The following CNOT10 variants were observed in gnomAD, a reference collection of about 807,000 sequenced individuals.
CNOT10 encodes CCR4-NOT transcription complex subunit 10.
CNOT10 carries 30 observed loss-of-function variants against 94.6 expected under a neutral mutation model. That is an observed-to-expected ratio of 0.32 (90% CI 0.24 to 0.43). The LOEUF (loss-of-function observed/expected upper bound fraction) is 0.43. Ranked by LOEUF, CNOT10 falls within the 20% of genes least tolerant of loss-of-function variation. The pLI is 1.00. For missense variants in CNOT10, 759 were observed against 877.2 expected, an observed-to-expected ratio of 0.87 and a Z score of 1.70; for synonymous variants, 289 against 301.6, an observed-to-expected ratio of 0.96 and a Z score of 0.43.
At chr3:32,772,424 ATTGCTTAAGGCCAAGAGTTCAAGGC>A (rs914380804) in intron 18 of CNOT10, among the ~76,000 whole-genome samples, 5 of 152,132 alleles carry the variant, frequency 3.3e-5, no homozygotes, top group African/African-American at 1.2e-4. Flanking sequence ...AGGCGGGAGG[ATTGCTTAAGGCCAAGAGTTCAAGGC>A]TATAGTGTGC....
intron 14 of CNOT10, among the ~76,000 whole-genome samples, chr3:32,761,865 C>T (rs1321158953): frequency 1.4e-5 from 2 of 147,402 alleles, no homozygotes; most frequent in African/African-American, 5.0e-5. Flanking sequence ...TTCCATCTCC[C>T]GGGTTCAAGC....
intron 17 of CNOT10, among the ~76,000 whole-genome samples, chr3:32,768,745 A>G (rs1700765809): frequency 6.6e-6 from 1 of 152,210 alleles, no homozygotes; most frequent in Non-Finnish European, 1.5e-5. Flanking sequence ...TTCATGAGGA[A>G]CTTCTTAGAA....
chr3:32,747,437 A>G (rs1009596456), intron 13 of CNOT10, among the ~76,000 whole-genome samples: 1 of 152,180 alleles, frequency 6.6e-6, no homozygotes, highest in Non-Finnish European at 1.5e-5. Context: ...AAATAAATAA[A>G]TAAATAAATA....
chr3:32,687,462 T>TTG (rs1559471801), intron 1 of CNOT10, among the ~76,000 whole-genome samples: 2 of 114,728 alleles, frequency 1.7e-5, no homozygotes, highest in African/African-American at 6.3e-5. Context: ...GTTTTTTTTT[T>TTG]TTTTTTTGAG....
At chr3:32,714,281 G>A (rs1698021283) in intron 5 of CNOT10, among the ~76,000 whole-genome samples, 1 of 151,754 alleles carries the variant, frequency 6.6e-6, no homozygotes, top group Admixed American at 6.6e-5. Flanking sequence ...TGTACATTGA[G>A]CATCTTTTCA....
At chr3:32,713,153 T>C in intron 4 of CNOT10, 74 bp from the exon 5 acceptor site, 1 of 1,222,480 alleles carries the variant, frequency 8.2e-7, no homozygotes. Context: ...TTGTATACTT[T>C]TTTGGAGGGT....
At chr3:32,692,532 C>T (rs1696894957) in intron 1 of CNOT10, among the ~76,000 whole-genome samples, 1 of 152,160 alleles carries the variant, frequency 6.6e-6, no homozygotes, top group East Asian at 1.9e-4. Flanking sequence ...GTCAGGTTAT[C>T]CAGTATTAGT....
chr3:32,729,802 C>T (rs1698856045), intron 10 of CNOT10, among the ~76,000 whole-genome samples: 2 of 128,958 alleles, frequency 1.6e-5, no homozygotes, highest in African/African-American at 5.5e-5. Context: ...GGAGTCTCGC[C>T]CTGTCGCCCA....
Position 32,773,308 on chromosome 3 carries a change from G to A in CNOT10, c.2081-149G>A, listed in dbSNP as rs1361527621. The A allele has an allele frequency of 8.0e-6, 6 of 745,542 alleles. No homozygotes were observed. In the African/African-American group the frequency reaches 9.0e-5, roughly 11 times the overall value. 46.2% of individuals were successfully genotyped at this position (745,542 alleles called of 1,614,324 possible). A position where few individuals can be genotyped will look rare whatever the true frequency, so the allele number is the denominator to read the frequency against. On this transcript the variant is annotated intron_variant, in intron 18 of 18. Transcript: ENST00000328834. ...TCAGAATTTCTGGGGATAAGATGGAGGCTTTATGGGATTCCAGTATACAGC... is the reference window on the plus strand; with the variant it reads ...TCAGAATTTCTGGGGATAAGATGGAAGCTTTATGGGATTCCAGTATACAGC...
In CNOT10 at chr3:32,713,268, C is replaced by G. The variant is rs371469964; in HGVS notation, c.472C>G (p.Leu158Val). ...AQAVCFLLVD[L>V]YILTYQAEKA... ...AGCAGTGTGTTTTTTGCTTGTAGACCTGTATATATTAACCTACCAAGCTGA... is the reference window on the plus strand; with the variant it reads ...AGCAGTGTGTTTTTTGCTTGTAGACGTGTATATATTAACCTACCAAGCTGA... The change falls in exon 5 of 19, where the codon CTG becomes GTG. Residue 158 changes from leucine to valine, a missense_variant. Leu to Val is a conservative substitution (Grantham distance 32). Coordinates refer to ENST00000328834, the MANE Select transcript of CNOT10 (RefSeq NM_015442.3). 2 of 1,589,748 alleles carry G rather than the reference C, an allele frequency of 1.3e-6. No individual in the cohort carries two copies. The highest frequency in any genetic ancestry group is 2.3e-5 in the South Asian group (2 of 85,770).
intron 18 of CNOT10, 80 bp downstream of exon 18, chr3:32,770,042 G>C: frequency 4.5e-6 from 5 of 1,101,972 alleles, no homozygotes; most frequent in Non-Finnish European, 6.9e-6. Context: ...GTCTCACTGT[G>C]TTGCCCAGGC....
intron 1 of CNOT10, among the ~76,000 whole-genome samples, chr3:32,703,059 C>T (rs1488436501): frequency 6.6e-6 from 1 of 150,572 alleles, no homozygotes; most frequent in Non-Finnish European, 1.5e-5. Flanking sequence ...CTACAGGCGC[C>T]CGCCACCACG....
intron 4 of CNOT10, among the ~76,000 whole-genome samples, chr3:32,711,109 T>A (rs1697869667): frequency 1.3e-5 from 2 of 152,122 alleles, no homozygotes; most frequent in Admixed American, 1.3e-4. Flanking sequence ...GATAATGCAA[T>A]GAATGAAATA....
At chr3:32,694,897 A>G (rs1329381145) in intron 1 of CNOT10, among the ~76,000 whole-genome samples, 16 of 151,764 alleles carry the variant, frequency 1.1e-4, no homozygotes, top group Non-Finnish European at 1.5e-5. Flanking sequence ...CCTAACTTTT[A>G]TATTTTTAGT....
chr3:32,721,060 CTTTTTTTT>C (rs377750318), intron 8 of CNOT10, among the ~76,000 whole-genome samples: 2 of 97,694 alleles, frequency 2.0e-5, no homozygotes, highest in Non-Finnish European at 3.8e-5. Context: ...TCTTTCCTTT[CTTTTTTTT>C]TTTTTTTTTT....
At chr3:32,718,787 C>A (rs972528912) in intron 7 of CNOT10, among the ~76,000 whole-genome samples, 3 of 151,870 alleles carry the variant, frequency 2.0e-5, no homozygotes, top group African/African-American at 7.3e-5. Flanking sequence ...AAAGGATAAA[C>A]TAGGATTTAG....
intron 4 of CNOT10, among the ~76,000 whole-genome samples, chr3:32,712,635 C>T (rs1001843376): frequency 1.3e-5 from 2 of 152,076 alleles, no homozygotes. Flanking sequence ...CACTTGAGCT[C>T]AGGAGCTTGA....
intron 6 of CNOT10, 112 bp downstream of exon 6, chr3:32,716,423 A>G (rs1489201686): frequency 7.4e-6 from 4 of 544,124 alleles, no homozygotes; most frequent in Non-Finnish European, 1.3e-5. Flanking sequence ...AGGTGCATAT[A>G]TTTGTTTGTC....
At chr3:32,754,487 AAAATACATAT>A (rs1192843448) in intron 13 of CNOT10, among the ~76,000 whole-genome samples, 1 of 62,722 alleles carries the variant, frequency 1.6e-5, no homozygotes, top group Non-Finnish European at 2.5e-5. Flanking sequence ...AAAAAAAAAA[AAAATACATAT>A]ATATATATAT....
Sources: gnomAD v4.1 joint callset for allele counts (sites outside exome capture counted in the v4.1 genomes callset) on GRCh38, gnomAD v4.1.1 for gene constraint, MANE v1.5 for transcripts, NCBI Gene and HGNC (gene_info 2026-07-23, HGNC 2026-07-21) for gene names.